Variants in SLC16A9 observed in about 807,000 individuals in gnomAD.
SLC16A9 encodes solute carrier family 16 member 9.
Under a neutral mutation model 44.3 loss-of-function variants are expected in SLC16A9, and 26 were observed. The ratio of observed to expected loss-of-function variants is 0.59; its 90% confidence interval spans 0.43 to 0.81. The LOEUF is 0.81. SLC16A9 is among the 40% of genes least tolerant of loss of function. The pLI, the probability that SLC16A9 is intolerant of heterozygous loss-of-function variation, is 0.00. For missense variants in SLC16A9, 559 were observed against 595.8 expected (o/e 0.94, Z 0.64); for synonymous variants, 230 against 225.1 (o/e 1.02, Z -0.19).
intron 1 of SLC16A9, among the ~76,000 whole-genome samples, chr10:59,694,817 T>TATATATATATAG (rs145769219): frequency 2.1e-5 from 1 of 47,726 alleles, no homozygotes; most frequent in Non-Finnish European, 4.1e-5. Flanking sequence ...TATATATATA[T>TATATATATATAG]ACACACACAC....
At chr10:59,685,020 TG>T (rs1451256608) in intron 1 of SLC16A9, among the ~76,000 whole-genome samples, 1 of 152,212 alleles carries the variant, frequency 6.6e-6, no homozygotes, top group Non-Finnish European at 1.5e-5. Context: ...AGGCCTGGAA[TG>T]GAACTGGCAG....
intron 2 of SLC16A9, among the ~76,000 whole-genome samples, chr10:59,680,177 T>C (rs989044074): frequency 6.6e-6 from 1 of 152,158 alleles, no homozygotes; most frequent in Admixed American, 6.5e-5. Flanking sequence ...CCAGGGATTA[T>C]CTGGACAAAC....
chr10:59,679,074 G>A lies in SLC16A9; in HGVS notation c.196+5022C>T, dbSNP rs183610919. ...CGTATTATGAGTTTGAACACCTTTG[G>A]AGGAAGTGAAGACAAAAGGGAGAGG... On this transcript the variant is annotated intron_variant, in intron 2 of 5. Transcript: ENST00000395348. 2.4e-3 allele frequency among the ~76,000 whole-genome samples: 370 copies of A among 152,242 alleles called. 2 individuals carry two copies. Among genetic ancestry groups the A allele is most frequent in the Middle Eastern group, 3.4e-3 (1 of 294 alleles).
intron 2 of SLC16A9, among the ~76,000 whole-genome samples, chr10:59,676,642 G>A (rs1218413552): frequency 6.6e-6 from 1 of 152,096 alleles, no homozygotes; most frequent in Non-Finnish European, 1.5e-5. Context: ...ATAATAACTG[G>A]CCAGGCATGG....
At position 59,653,794 on chromosome 10, in the gene SLC16A9, T is replaced by C. The variant is rs759718948; in HGVS notation, c.1232A>G (p.Asn411Ser). The C allele has an allele frequency of 6.2e-7, 1 of 1,614,154 alleles. No individual in the cohort carries two copies. The highest frequency in any genetic ancestry group is 8.5e-7 in the Non-Finnish European group (1 of 1,180,018). Residue 411 changes from asparagine (N) to serine (S), a missense_variant, in exon 5 of 6, where the codon AAT becomes AGT. Coordinates refer to ENST00000395348, the MANE Select transcript of SLC16A9 (RefSeq NM_194298.3). ...GGTCACATATGGAAAGATGGACCAA[T>C]TACCAGTAAGAAACCCTAGGATCCC... ...LSGILGFLTGNWSIFPYVTTK... is the reference protein window; with the variant it reads ...LSGILGFLTGSWSIFPYVTTK...
At chr10:59,703,974 T>G (rs1207820320) in intron 1 of SLC16A9, among the ~76,000 whole-genome samples, 2 of 152,154 alleles carry the variant, frequency 1.3e-5, no homozygotes, top group Admixed American at 6.5e-5. Context: ...CGCCCGCCTC[T>G]GCCTCCAAAG....
chr10:59,664,424 C>A (rs889869333), intron 3 of SLC16A9, 102 bp from the exon 4 acceptor site: 10 of 649,002 alleles, frequency 1.5e-5, no homozygotes, highest in Admixed American at 2.9e-5. Flanking sequence ...CCATTACTCA[C>A]TGGCTAAAAC....
intron 3 of SLC16A9, among the ~76,000 whole-genome samples, chr10:59,667,032 A>G (rs948636811): frequency 2.0e-5 from 3 of 152,238 alleles, no homozygotes. Context: ...AAGTTCTTGC[A>G]TAACTCAGCA....
At chr10:59,654,725 G>T (rs1839310832) in intron 4 of SLC16A9, 136 bp from the exon 5 acceptor site, 1 of 696,052 alleles carries the variant, frequency 1.4e-6, no homozygotes, top group South Asian at 2.6e-5. Flanking sequence ...TAAGAAGATA[G>T]AAGATAACAA....
Position 59,653,788 on chromosome 10 carries a change from G to A in SLC16A9, c.1238C>T (p.Ser413Phe), listed in dbSNP as rs1766085896. 2 of 1,614,052 alleles carry A rather than the reference G, an allele frequency of 1.2e-6. No homozygotes were observed. The highest frequency in any genetic ancestry group is 2.2e-5 in the East Asian group (1 of 44,850). The change falls in exon 5 of 6, where the codon TCC becomes TTC. Residue 413 changes from serine (S) to phenylalanine (F), a missense_variant. Physicochemically the swap from Ser to Phe is radical, Grantham distance 155 (BLOSUM62 -2). Transcript: ENST00000395348. ...GILGFLTGNW[S>F]IFPYVTTKTV... Reference sequence around the variant, plus strand: ...CTTCGTGGTCACATATGGAAAGATGGACCAATTACCAGTAAGAAACCCTAG... The same window carrying A: ...CTTCGTGGTCACATATGGAAAGATGAACCAATTACCAGTAAGAAACCCTAG...
intron 1 of SLC16A9, among the ~76,000 whole-genome samples, chr10:59,692,528 A>G (rs540459523): frequency 3.3e-5 from 5 of 152,386 alleles, no homozygotes; most frequent in Admixed American, 1.3e-4. Flanking sequence ...TGAGCTGCAC[A>G]TATTAAATGG....
intron 4 of SLC16A9, among the ~76,000 whole-genome samples, chr10:59,660,092 T>A (rs373577168): frequency 6.6e-6 from 1 of 151,938 alleles, no homozygotes; most frequent in South Asian, 2.1e-4. Context: ...TTTAAAGAAC[T>A]GGAGAAGCAA....
At chr10:59,688,773 C>T (rs926180575) in intron 1 of SLC16A9, among the ~76,000 whole-genome samples, 4 of 150,986 alleles carry the variant, frequency 2.6e-5, no homozygotes, top group African/African-American at 9.8e-5. Flanking sequence ...CGAGATTGTC[C>T]TTCATTCAAA....
At chr10:59,657,205 A>G (rs550142880) in intron 4 of SLC16A9, among the ~76,000 whole-genome samples, 2 of 152,100 alleles carry the variant, frequency 1.3e-5, no homozygotes, top group Non-Finnish European at 2.9e-5. Context: ...TCTTCTTTTG[A>G]TTTTTTTCAT....
chr10:59,665,041 T>C (rs1839578069), intron 3 of SLC16A9, among the ~76,000 whole-genome samples: 1 of 151,962 alleles, frequency 6.6e-6, no homozygotes, highest in African/African-American at 2.4e-5. Context: ...GAAATTATTT[T>C]ATAATTAACA....
At chr10:59,701,204 G>A (rs1348601693) in intron 1 of SLC16A9, among the ~76,000 whole-genome samples, 7 of 152,050 alleles carry the variant, frequency 4.6e-5, no homozygotes, top group Middle Eastern at 3.2e-3. Flanking sequence ...CCAGCTACCC[G>A]TCTCCAGCAT....
intron 4 of SLC16A9, among the ~76,000 whole-genome samples, chr10:59,658,899 G>C (rs929887488): frequency 6.6e-6 from 1 of 152,132 alleles, no homozygotes. Context: ...TAAAATATTA[G>C]TTTGGATCCT....
intron 2 of SLC16A9, among the ~76,000 whole-genome samples, chr10:59,674,838 G>T (rs149438896): frequency 6.6e-6 from 1 of 152,294 alleles, no homozygotes; most frequent in African/African-American, 2.4e-5. Context: ...CCATGAGGAA[G>T]CCTCAGAGCC....
At chr10:59,692,832 A>C (rs1840280847) in intron 1 of SLC16A9, among the ~76,000 whole-genome samples, 1 of 152,234 alleles carries the variant, frequency 6.6e-6, no homozygotes, top group Non-Finnish European at 1.5e-5. Flanking sequence ...ACAAACAAAA[A>C]AATGTAGGTA....
Sources: gnomAD v4.1 joint callset for allele counts (sites outside exome capture counted in the v4.1 genomes callset) on GRCh38, gnomAD v4.1.1 for gene constraint, MANE v1.5 for transcripts, NCBI Gene and HGNC (gene_info 2026-07-23, HGNC 2026-07-21) for gene names.